Variants in ERICH2 observed in about 807,000 individuals in gnomAD.
ERICH2 encodes glutamate rich 2, also known as glutamate-rich protein 2.
In ERICH2, 17 loss-of-function variants were observed where a neutral mutation model predicts 17.4. The ratio of observed to expected loss-of-function variants is 0.98; its 90% CI spans 0.67 to 1.47. The LOEUF (loss-of-function observed/expected upper bound fraction) is 1.47, where lower values mean the gene tolerates loss of function less well. Ranked by LOEUF, ERICH2 falls within the 40% of genes most tolerant of loss-of-function variation. The pLI, the probability that ERICH2 is intolerant of heterozygous loss-of-function variation, is 0.00. For missense variants in ERICH2, 186 were observed against 183.2 expected (o/e 1.01, Z -0.09); for synonymous variants, 51 against 61.1 (o/e 0.83, Z 0.77).
At chr2:170,786,795 T>C (rs1211078021) in intron 2 of ERICH2, among the ~76,000 whole-genome samples, 2 of 152,212 alleles carry the variant, frequency 1.3e-5, no homozygotes, top group Non-Finnish European at 2.9e-5. Context: ...TTATATTTTT[T>C]TGCATTTCAG....
At chr2:170,774,564 CTTTTT>C in the ERICH2 span, among the ~76,000 whole-genome samples, 22 of 98,518 alleles carry the variant, frequency 2.2e-4, no homozygotes, top group Non-Finnish European at 2.1e-4. Flanking sequence ...AGAGCCCCAT[CTTTTT>C]TTTTTTTTTT....
intron 2 of ERICH2, among the ~76,000 whole-genome samples, chr2:170,790,576 G>A (rs1330045246): frequency 3.9e-5 from 6 of 152,170 alleles, no homozygotes; most frequent in African/African-American, 1.2e-4. Flanking sequence ...GCAGTGAGCC[G>A]AGATGGCGCC....
At chr2:170,784,931 A>G (rs1207599354) in intron 2 of ERICH2, 98 bp downstream of exon 7, 3 of 1,026,876 alleles carry the variant, frequency 2.9e-6, no homozygotes, top group African/African-American at 3.3e-5. Context: ...CTAAAAAAGT[A>G]GATCTCATGG....
intron 2 of ERICH2, among the ~76,000 whole-genome samples, chr2:170,787,927 C>A (rs767202822): frequency 2.6e-5 from 4 of 152,160 alleles, no homozygotes; most frequent in Non-Finnish European, 5.9e-5. Context: ...ATATTTATGT[C>A]TAATTTTATG....
chr2:170,788,565 G>A (rs914623945), intron 2 of ERICH2, among the ~76,000 whole-genome samples: 1 of 151,628 alleles, frequency 6.6e-6, no homozygotes, highest in Admixed American at 6.6e-5. Flanking sequence ...TCTGCCTCTC[G>A]GGTTCAAGCG....
At chr2:170,780,569 A>C (rs1204531913), upstream of ERICH2, among the ~76,000 whole-genome samples, 2 of 152,232 alleles carry the variant, frequency 1.3e-5, no homozygotes, top group Non-Finnish European at 2.9e-5. Flanking sequence ...AAATACCCAG[A>C]ACTATACTAG....
Position 170,784,589 on chromosome 2 carries a change from A to AT in ERICH2, c.29-54dup, listed in dbSNP as rs1278954161. Reference sequence around the variant, plus strand: ...ATGAATAGTAATAGGATCTGGCAAAATTTAATTTGCGAACTTTTCGATCTC... The same window carrying AT: ...ATGAATAGTAATAGGATCTGGCAAAATTTTAATTTGCGAACTTTTCGATCTC... On this transcript the variant is annotated intron_variant, in intron 1 of 4. Transcript: ENST00000409885. 89 of 1,174,866 alleles carry AT rather than the reference A, an allele frequency of 7.6e-5. No homozygotes were observed. The African/African-American group carries it at 1.3e-3, about 17-fold the overall frequency. The allele number at this position is 1,174,866 out of a possible 1,614,324, so 72.8% of individuals were successfully genotyped here.
At chr2:170,771,461 G>A in the ERICH2 span, 2 of 152,200 alleles carry the variant, frequency 1.3e-5, no homozygotes, top group African/African-American at 4.8e-5. The surrounding 1 kb of genome is among the most constrained non-coding windows in gnomAD (Gnocchi z 4.8). Flanking sequence ...ACACGGGTGT[G>A]GAGATAACTG....
intron 3 of ERICH2, among the ~76,000 whole-genome samples, chr2:170,796,822 G>A (rs1288104136): frequency 6.6e-6 from 1 of 152,052 alleles, no homozygotes; most frequent in Admixed American, 6.6e-5. Context: ...ATATTGAGCA[G>A]GAGTCACAAT....
chr2:170,791,577 C>A (rs1326007728), intron 2 of ERICH2, among the ~76,000 whole-genome samples: 1 of 149,896 alleles, frequency 6.7e-6, no homozygotes, highest in Non-Finnish European at 1.5e-5. Flanking sequence ...GTAGTCCCAG[C>A]TACTACAGAG....
chr2:170,787,933 T>C (rs183239560), intron 2 of ERICH2, among the ~76,000 whole-genome samples: 122 of 152,320 alleles, frequency 8.0e-4, no homozygotes, highest in Non-Finnish European at 6.6e-4. Flanking sequence ...ATGTCTAATT[T>C]TATGGTTGTT....
chr2:170,794,575 G>A (rs1701372434), intron 3 of ERICH2, among the ~76,000 whole-genome samples: 1 of 152,020 alleles, frequency 6.6e-6, no homozygotes, highest in South Asian at 2.1e-4. Flanking sequence ...AAAGATTCTG[G>A]TTCTTTGTTG....
At chr2:170,770,870 GC>G in the ERICH2 span, 1 of 19,540 alleles carries the variant, frequency 5.1e-5, no homozygotes, top group Non-Finnish European at 1.0e-4. Context: ...TCCCAGCCCC[GC>G]CCCGGGCCCT....
the ERICH2 span, among the ~76,000 whole-genome samples, chr2:170,776,660 G>C: frequency 6.6e-6 from 1 of 152,106 alleles, no homozygotes; most frequent in African/African-American, 2.4e-5. Context: ...TTACAGGCTT[G>C]AGCCACCGCG....
At chr2:170,789,281 A>G (rs372527636) in intron 2 of ERICH2, among the ~76,000 whole-genome samples, 2 of 152,092 alleles carry the variant, frequency 1.3e-5, no homozygotes, top group East Asian at 1.9e-4. Context: ...TATACTTCTG[A>G]CTGAAATACT....
chr2:170,784,432 T>C (rs1362487), intron 1 of ERICH2, among the ~76,000 whole-genome samples: 99,779 of 151,928 alleles, frequency 0.66, 33,024 homozygotes, highest in East Asian at 0.78. Flanking sequence ...CTCAGTTTCC[T>C]CACCTATAAA....
intron 4 of ERICH2, 54 bp downstream of exon 9, chr2:170,798,166 T>G: frequency 2.6e-6 from 3 of 1,167,748 alleles, no homozygotes; most frequent in Non-Finnish European, 3.7e-6. Context: ...AGCAGTCACT[T>G]TAAAAACCCA....
chr2:170,785,835 C>T (rs779624403), intron 2 of ERICH2, among the ~76,000 whole-genome samples: 4 of 152,082 alleles, frequency 2.6e-5, no homozygotes, highest in Non-Finnish European at 4.4e-5. Context: ...TATACATAAG[C>T]ATTTACTGAT....
intron 3 of ERICH2, among the ~76,000 whole-genome samples, chr2:170,797,120 A>T (rs1701445259): frequency 6.6e-6 from 1 of 152,242 alleles, no homozygotes; most frequent in African/African-American, 2.4e-5. Flanking sequence ...AATGTTGTTA[A>T]GCAGGCAATG....
Sources: gnomAD v4.1 joint callset for allele counts (sites outside exome capture counted in the v4.1 genomes callset) on GRCh38, gnomAD v4.1.1 for gene constraint, Gnocchi (gnomAD v3.1) non-coding constraint, MANE v1.5 for transcripts, NCBI Gene and HGNC (gene_info 2026-07-23, HGNC 2026-07-21) for gene names.